The following DAB1 variants were observed in gnomAD, a reference collection of about 807,000 sequenced individuals.
DAB1 encodes DAB adaptor protein 1.
In DAB1, 15 loss-of-function variants were observed where a neutral mutation model predicts 64.6. That is an observed-to-expected ratio of 0.23 (90% CI 0.16 to 0.36). The LOEUF is 0.36. Ranked by LOEUF, DAB1 falls within the 10% of genes least tolerant of loss-of-function variation. The pLI is 1.00. For synonymous variants in DAB1, 235 were observed against 251.9 expected (o/e 0.93, Z 0.64); for missense variants, 596 against 706.7 (o/e 0.84, Z 1.78).
At chr1:57,737,826 C>A (rs143138979) in intron 6 of DAB1, among the ~76,000 whole-genome samples, 1 of 152,310 alleles carries the variant, frequency 6.6e-6, no homozygotes, top group Non-Finnish European at 1.5e-5. Flanking sequence ...TTTTGTAATT[C>A]TTGTCTTCAG....
chr1:57,449,151 A>G (rs1686256939), intron 7 of DAB1, among the ~76,000 whole-genome samples: 1 of 152,212 alleles, frequency 6.6e-6, no homozygotes, highest in Non-Finnish European at 1.5e-5. Flanking sequence ...ACAGCCCAAC[A>G]TAATGATCCC....
chr1:57,438,273 G>A (rs1271808313), intron 7 of DAB1, among the ~76,000 whole-genome samples: 1 of 152,048 alleles, frequency 6.6e-6, no homozygotes, highest in Admixed American at 6.6e-5. Context: ...TGCATGTGTA[G>A]TTCCCTCAGT....
Position 57,104,165 on chromosome 1 carries a change from A to T in DAB1, c.307-31751T>A, listed in dbSNP as rs1454227078. 1.9e-4 allele frequency among the ~76,000 whole-genome samples: 29 copies of T among 152,258 alleles called. No individual in the cohort carries two copies. In the South Asian group the frequency reaches 2.1e-3, roughly 11 times the overall value. On this transcript the variant is annotated intron_variant, in intron 4 of 14. Transcript: ENST00000371236. The stretch of plus-strand genomic sequence containing the variant: ...CTGTTTCTGATCTGTAACAAGAGAC[A>T]TATGAAAACCATAGTTTAGAAACCT...
chr1:58,345,225 C>A (rs768396734), intron 3 of DAB1, among the ~76,000 whole-genome samples: 1 of 152,168 alleles, frequency 6.6e-6, no homozygotes, highest in Admixed American at 6.5e-5. Context: ...AGTCTCATTT[C>A]GCCACTTCTT....
intron 14 of DAB1, among the ~76,000 whole-genome samples, chr1:57,001,968 A>G (rs1416286421): frequency 6.6e-6 from 1 of 152,174 alleles, no homozygotes; most frequent in Non-Finnish European, 1.5e-5. Context: ...GCATGTCAGT[A>G]TCCCGAATTC....
chr1:57,056,248 CA>C (rs1649740117), intron 9 of DAB1, among the ~76,000 whole-genome samples: 1 of 151,138 alleles, frequency 6.6e-6, no homozygotes, highest in Non-Finnish European at 1.5e-5. Flanking sequence ...CCTATAATCC[CA>C]GTGCTTTGGG....
chr1:57,228,710 G>A (rs1667449859), intron 2 of DAB1, among the ~76,000 whole-genome samples: 2 of 152,108 alleles, frequency 1.3e-5, no homozygotes, highest in Admixed American at 1.3e-4. Flanking sequence ...TACATAGTAA[G>A]ATCCAGCAAT....
intron 1 of DAB1, among the ~76,000 whole-genome samples, chr1:57,322,661 GA>G (rs2100769557): frequency 6.6e-6 from 1 of 152,260 alleles, no homozygotes; most frequent in South Asian, 2.1e-4. Context: ...TCACTTTTAT[GA>G]AACAATTATG....
intron 4 of DAB1, among the ~76,000 whole-genome samples, chr1:57,091,129 C>T (rs1653633932): frequency 6.6e-6 from 1 of 152,064 alleles, no homozygotes. Context: ...CCCTTGTTGC[C>T]CCATGCTGGG....
upstream of DAB1, among the ~76,000 whole-genome samples, chr1:57,888,009 A>C (rs1312902726): frequency 6.6e-6 from 1 of 152,260 alleles, no homozygotes; most frequent in East Asian, 1.9e-4. Context: ...TGTTCTAAAT[A>C]GGAAAAGAAA....
chr1:57,914,595 G>A (rs929521495), intron 5 of DAB1, among the ~76,000 whole-genome samples: 2 of 151,994 alleles, frequency 1.3e-5, no homozygotes, highest in Non-Finnish European at 2.9e-5. Context: ...AGAATCCTAT[G>A]CCTGCAAGAG....
chr1:58,508,273 T>C (rs1646021038), intron 2 of DAB1, among the ~76,000 whole-genome samples: 1 of 152,182 alleles, frequency 6.6e-6, no homozygotes, highest in Admixed American at 6.6e-5. Flanking sequence ...TAATTTTGTT[T>C]CCAAAATGAG....
At chr1:58,318,608 C>A (rs1307170095) in intron 4 of DAB1, among the ~76,000 whole-genome samples, 1 of 152,180 alleles carries the variant, frequency 6.6e-6, no homozygotes, top group Non-Finnish European at 1.5e-5. Context: ...GGGAATTAAG[C>A]TGCCTCTACC....
chr1:57,426,615 T>G (rs895628628), upstream of DAB1, among the ~76,000 whole-genome samples: 6 of 152,078 alleles, frequency 3.9e-5, no homozygotes, highest in Admixed American at 3.9e-4. Context: ...ACAGCAAAGA[T>G]GTATATATTG....
Position 57,641,378 on chromosome 1 carries a change from G to GTTT in DAB1, n.625+8213_625+8214insAAA, listed in dbSNP as rs1491296848. On this transcript the variant is annotated intron_variant and non_coding_transcript_variant, in intron 7 of 20. Transcript: ENST00000485760. Reference sequence around the variant, plus strand: ...TGCCCAGTTCCCTCTTTTTTTTGTTGGTTTTTTTTTTTTTTTTTTTTTTGA... The same window carrying GTTT: ...TGCCCAGTTCCCTCTTTTTTTTGTTGTTTGTTTTTTTTTTTTTTTTTTTTTTGA... Among the ~76,000 whole-genome samples, 1,000 of 109,670 alleles carry GTTT rather than the reference G, an allele frequency of 9.1e-3. 81 individuals are homozygous for GTTT. The highest frequency in any genetic ancestry group is 0.025 in the African/African-American group (751 of 29,902). The allele number at this position is 109,670 out of a possible 152,430, so 71.9% of individuals were successfully genotyped here.
intron 5 of DAB1, among the ~76,000 whole-genome samples, chr1:57,928,338 G>A (rs1436487328): frequency 6.6e-6 from 1 of 151,732 alleles, no homozygotes; most frequent in African/African-American, 2.4e-5. Context: ...TCAGAGGAAG[G>A]TACAGAGATT....
intron 5 of DAB1, among the ~76,000 whole-genome samples, chr1:58,131,019 G>A (rs1653522780): frequency 7.3e-6 from 1 of 136,504 alleles, no homozygotes; most frequent in Non-Finnish European, 1.6e-5. Context: ...TGCTAGATTG[G>A]GGAAGTTCTC....
chr1:58,067,145 T>G (rs572604262), intron 5 of DAB1, among the ~76,000 whole-genome samples: 1 of 152,246 alleles, frequency 6.6e-6, no homozygotes, highest in Non-Finnish European at 1.5e-5. Flanking sequence ...TTTACAGCAC[T>G]GAATATAATG....
At chr1:57,849,376 A>G (rs563934874) in intron 1 of DAB1, among the ~76,000 whole-genome samples, 25 of 152,290 alleles carry the variant, frequency 1.6e-4, no homozygotes, top group Non-Finnish European at 3.1e-4. Flanking sequence ...GTAACTCCAT[A>G]TCAAGACCCT....
Sources: allele counts gnomAD v4.1 joint callset (sites outside exome capture counted in the v4.1 genomes callset), GRCh38; gene constraint gnomAD v4.1.1; transcripts MANE v1.5; gene names NCBI Gene and HGNC (gene_info 2026-07-23, HGNC 2026-07-21).